The following FAM81A variants were observed in gnomAD, a reference collection of about 807,000 sequenced individuals.
The protein encoded by FAM81A is protein FAM81A.
In FAM81A, 19 loss-of-function variants were observed where a neutral mutation model predicts 46.7. The observed-to-expected ratio is 0.41, with a 90% CI of 0.28 to 0.60. The LOEUF is 0.60. Among genes scored for constraint, FAM81A ranks in the 20% least tolerant of loss-of-function variants. The pLI is 0.34. For synonymous variants in FAM81A, 183 were observed against 152.9 expected (o/e 1.20, Z -1.45); for missense variants, 377 against 453.5 (o/e 0.83, Z 1.53).
intron 1 of FAM81A, among the ~76,000 whole-genome samples, chr15:59,454,750 C>T (rs1023487903): frequency 3.9e-5 from 6 of 152,184 alleles, no homozygotes; most frequent in African/African-American, 9.6e-5. Context: ...CTTAGCCTCC[C>T]GGGTAGCTGG....
At chr15:59,497,452 A>G (rs1236113080) in intron 4 of FAM81A, among the ~76,000 whole-genome samples, 1 of 152,254 alleles carries the variant, frequency 6.6e-6, no homozygotes, top group African/African-American at 2.4e-5. Flanking sequence ...TCTCAAAAAA[A>G]AAAAAATTTA....
intron 2 of FAM81A, among the ~76,000 whole-genome samples, chr15:59,415,570 A>G (rs1322658628): frequency 6.6e-6 from 1 of 152,226 alleles, no homozygotes; most frequent in Non-Finnish European, 1.5e-5. Flanking sequence ...GAATGCAGGC[A>G]GCCTCTAGAA....
intron 3 of FAM81A, among the ~76,000 whole-genome samples, chr15:59,489,314 T>TATACATACATACATACATACATAC (rs1308522125): frequency 7.2e-5 from 10 of 139,554 alleles, no homozygotes; most frequent in African/African-American, 2.7e-4. Flanking sequence ...TACATACATA[T>TATACATACATACATACATACATAC]ATACATACAT....
At chr15:59,468,165 GTC>G (rs1266211514) in intron 3 of FAM81A, among the ~76,000 whole-genome samples, 1 of 152,054 alleles carries the variant, frequency 6.6e-6, no homozygotes, top group Non-Finnish European at 1.5e-5. Context: ...TGGCCTAAAA[GTC>G]TCTTTTTTTG....
intron 2 of FAM81A, among the ~76,000 whole-genome samples, chr15:59,416,062 A>G (rs1352879130): frequency 6.6e-6 from 1 of 152,210 alleles, no homozygotes; most frequent in African/African-American, 2.4e-5. Flanking sequence ...CAAACCACAG[A>G]AAAATGGAAA....
chr15:59,421,532 T>C lies in FAM81A; in HGVS notation c.-78+19174T>C, dbSNP rs189909759. 2.9e-4 allele frequency among the ~76,000 whole-genome samples: 44 copies of C among 152,282 alleles called. No homozygotes were observed. The East Asian group carries it at 7.1e-3, about 25-fold the overall frequency. On this transcript the variant is annotated intron_variant, in intron 2 of 4. Transcript: ENST00000558348. ...AGGAGCCTCTCCCGAATTTCTGCTC[T>C]TTTGTCTAAAATGTCAGTCTAAATC...
chr15:59,433,014 T>C (rs1206542525), intron 2 of FAM81A, among the ~76,000 whole-genome samples: 1 of 149,632 alleles, frequency 6.7e-6, no homozygotes, highest in Non-Finnish European at 1.5e-5. Flanking sequence ...TGGTGGTGGG[T>C]GCCTGTAGTC....
At chr15:59,499,524 A>G (rs1044317339) in intron 4 of FAM81A, among the ~76,000 whole-genome samples, 5 of 152,154 alleles carry the variant, frequency 3.3e-5, no homozygotes, top group Non-Finnish European at 7.4e-5. Flanking sequence ...GAGGATTCAA[A>G]TTACTAACTG....
At chr15:59,459,429 C>G (rs1472321762) in intron 2 of FAM81A, among the ~76,000 whole-genome samples, 1 of 152,186 alleles carries the variant, frequency 6.6e-6, no homozygotes, top group Non-Finnish European at 1.5e-5. Flanking sequence ...CTGATGGTCA[C>G]TCATGGGTGG....
intron 2 of FAM81A, among the ~76,000 whole-genome samples, chr15:59,403,887 C>CA (rs562017466): frequency 7.1e-5 from 10 of 140,100 alleles, no homozygotes; most frequent in Non-Finnish European, 1.5e-4. Context: ...CTTTTCTTTT[C>CA]TTTTTTTTTT....
At chr15:59,414,174 G>C (rs2081135463) in intron 2 of FAM81A, among the ~76,000 whole-genome samples, 1 of 152,086 alleles carries the variant, frequency 6.6e-6, no homozygotes, top group Non-Finnish European at 1.5e-5. Context: ...GGCTCATCTT[G>C]AGCTCCTGGC....
At chr15:59,458,981 G>GAAGAA (rs2081517607) in intron 2 of FAM81A, among the ~76,000 whole-genome samples, 1 of 152,178 alleles carries the variant, frequency 6.6e-6, no homozygotes, top group African/African-American at 2.4e-5. Context: ...GAAGTACATT[G>GAAGAA]CTTGGCCTAG....
At chr15:59,499,040 G>T (rs1487220075) in intron 4 of FAM81A, among the ~76,000 whole-genome samples, 1 of 152,110 alleles carries the variant, frequency 6.6e-6, no homozygotes, top group African/African-American at 2.4e-5. Flanking sequence ...TTCCTAGTTT[G>T]TTGGCTGTTT....
intron 2 of FAM81A, among the ~76,000 whole-genome samples, chr15:59,422,465 TTTTTA>T (rs1439130681): frequency 1.3e-5 from 2 of 152,082 alleles, no homozygotes; most frequent in African/African-American, 4.8e-5. Context: ...AGTTTCTTTC[TTTTTA>T]TTTTATTTTA....
At chr15:59,479,077 C>T (rs184849418) in intron 3 of FAM81A, among the ~76,000 whole-genome samples, 1 of 152,350 alleles carries the variant, frequency 6.6e-6, no homozygotes, top group African/African-American at 2.4e-5. Flanking sequence ...ATGGCCCAAG[C>T]ACACAGGCCT....
intron 3 of FAM81A, among the ~76,000 whole-genome samples, chr15:59,473,022 A>G (rs1158641117): frequency 1.3e-5 from 2 of 152,174 alleles, no homozygotes; most frequent in Non-Finnish European, 2.9e-5. Flanking sequence ...GAACATTTCA[A>G]TTTTGAAAGG....
chr15:59,449,258 T>C (rs2081387080), intron 1 of FAM81A, among the ~76,000 whole-genome samples: 1 of 152,166 alleles, frequency 6.6e-6, no homozygotes, highest in Non-Finnish European at 1.5e-5. Flanking sequence ...ACATATTTTT[T>C]TTAAGTGGGG....
intron 5 of FAM81A, 26 bp from the exon 6 acceptor site, chr15:59,508,837 A>T: frequency 6.3e-7 from 1 of 1,589,432 alleles, no homozygotes; most frequent in Non-Finnish European, 8.6e-7. Context: ...TAGATGTGAT[A>T]TTTATAAGCA....
upstream of FAM81A, among the ~76,000 whole-genome samples, chr15:59,434,551 G>C (rs2081234859): frequency 6.6e-6 from 1 of 152,148 alleles, no homozygotes; most frequent in Non-Finnish European, 1.5e-5. Flanking sequence ...TTCTGCCCTT[G>C]AGCCTTCTCA....
Sources: allele counts gnomAD v4.1 joint callset (sites outside exome capture counted in the v4.1 genomes callset), GRCh38; gene constraint gnomAD v4.1.1; transcripts MANE v1.5; gene names NCBI Gene and HGNC (gene_info 2026-07-23, HGNC 2026-07-21).